SPIDR: variants seen among roughly 807,000 people sequenced by gnomAD.
SPIDR encodes DNA repair-scaffolding protein.
A neutral mutation model predicts 104.6 loss-of-function variants in SPIDR; 93 were observed. The ratio of observed to expected loss-of-function variants is 0.89; its 90% CI spans 0.75 to 1.06. The LOEUF is 1.06. Ranked by LOEUF, SPIDR falls within the 50% of genes least tolerant of loss-of-function variation. SPIDR has a pLI of 0.00. For missense variants in SPIDR, 1,154 were observed against 1,111.2 expected, an observed-to-expected ratio of 1.04 and a Z score of -0.55; for synonymous variants, 431 against 416.9, an observed-to-expected ratio of 1.03 and a Z score of -0.41.
intron 5 of SPIDR, among the ~76,000 whole-genome samples, chr8:47,299,061 C>T (rs1410841317): frequency 2.6e-5 from 4 of 151,008 alleles, no homozygotes; most frequent in Admixed American, 6.6e-5. Flanking sequence ...GCCATTTTCA[C>T]GATATTGACT....
At chr8:47,653,021 C>T (rs1265505971) in intron 10 of SPIDR, among the ~76,000 whole-genome samples, 1 of 152,202 alleles carries the variant, frequency 6.6e-6, no homozygotes, top group Non-Finnish European at 1.5e-5. Flanking sequence ...ACTACAGAGC[C>T]TGAAGACTAT....
chr8:47,302,323 G>A (rs1363170604), intron 5 of SPIDR, among the ~76,000 whole-genome samples: 1 of 149,362 alleles, frequency 6.7e-6, no homozygotes, highest in Admixed American at 6.6e-5. Context: ...TCTCTGCATT[G>A]GTTATTCTAG....
intron 8 of SPIDR, among the ~76,000 whole-genome samples, chr8:47,572,685 T>TAAAC (rs2058671941): frequency 6.7e-6 from 1 of 149,992 alleles, no homozygotes; most frequent in Non-Finnish European, 1.5e-5. Flanking sequence ...AATAAATAAA[T>TAAAC]AAATAAATAA....
chr8:47,293,070 T>C (rs2040216516), intron 4 of SPIDR, among the ~76,000 whole-genome samples: 1 of 152,080 alleles, frequency 6.6e-6, no homozygotes, highest in African/African-American at 2.4e-5. Context: ...GGGAAGCCGT[T>C]GCCATTATGC....
chr8:47,615,639 T>G (rs879567472), intron 10 of SPIDR, among the ~76,000 whole-genome samples: 1 of 151,964 alleles, frequency 6.6e-6, no homozygotes, highest in Admixed American at 6.6e-5. Context: ...AATGGACATC[T>G]CCACTAAACC....
intron 8 of SPIDR, among the ~76,000 whole-genome samples, chr8:47,580,389 G>A (rs190057439): frequency 2.6e-5 from 4 of 152,178 alleles, no homozygotes; most frequent in East Asian, 3.9e-4. Context: ...AGCTCTTCTC[G>A]GAACTCTGCA....
chr8:47,282,329 C>T (rs1226804411), intron 2 of SPIDR, among the ~76,000 whole-genome samples: 2 of 152,236 alleles, frequency 1.3e-5, no homozygotes, highest in African/African-American at 4.8e-5. Flanking sequence ...TGACTTCTCT[C>T]TAGCTACGAA....
At chr8:47,580,417 T>C (rs1332745087) in intron 8 of SPIDR, among the ~76,000 whole-genome samples, 1 of 152,176 alleles carries the variant, frequency 6.6e-6, no homozygotes, top group Admixed American at 6.5e-5. Context: ...ATTAATTTCA[T>C]TTTCACAAGA....
chr8:47,393,408 T>A (rs1481766056), intron 5 of SPIDR, among the ~76,000 whole-genome samples: 1 of 152,200 alleles, frequency 6.6e-6, no homozygotes, highest in African/African-American at 2.4e-5. Flanking sequence ...CCTCTCTGTA[T>A]CACCATTCAA....
intron 19 of SPIDR, among the ~76,000 whole-genome samples, chr8:47,730,878 T>C (rs751595381): frequency 4.6e-5 from 7 of 152,170 alleles, no homozygotes; most frequent in African/African-American, 7.2e-5. Flanking sequence ...AGAGTTGGAT[T>C]AAATTGGAAC....
chr8:47,703,250 T>G (rs1198682690), intron 14 of SPIDR, among the ~76,000 whole-genome samples: 1 of 152,266 alleles, frequency 6.6e-6, no homozygotes, highest in Non-Finnish European at 1.5e-5. Flanking sequence ...TATTTTCTGT[T>G]GTGCATTTAT....
At chr8:47,457,730 A>G (rs1160436040) in intron 8 of SPIDR, among the ~76,000 whole-genome samples, 1 of 152,136 alleles carries the variant, frequency 6.6e-6, no homozygotes, top group Non-Finnish European at 1.5e-5. Flanking sequence ...CAGGTCTTAG[A>G]TTGAAGTCCT....
At chr8:47,312,788 T>G (rs1294789644) in intron 5 of SPIDR, among the ~76,000 whole-genome samples, 1 of 152,218 alleles carries the variant, frequency 6.6e-6, no homozygotes, top group East Asian at 1.9e-4. Context: ...AGACATGAAG[T>G]CCTTCCCCAT....
intron 5 of SPIDR, among the ~76,000 whole-genome samples, chr8:47,299,663 G>A (rs1435778293): frequency 6.6e-6 from 1 of 152,006 alleles, no homozygotes; most frequent in Non-Finnish European, 1.5e-5. Flanking sequence ...AGCATGAAGG[G>A]TTGTTGAATT....
chr8:47,342,693 C>T (rs1180217100), intron 5 of SPIDR, among the ~76,000 whole-genome samples: 2 of 151,968 alleles, frequency 1.3e-5, no homozygotes, highest in Non-Finnish European at 2.9e-5. Context: ...ATTGTACACT[C>T]CTTTCTTATT....
At chr8:47,379,397 G>A (rs1159803839) in intron 5 of SPIDR, among the ~76,000 whole-genome samples, 1 of 152,020 alleles carries the variant, frequency 6.6e-6, no homozygotes, top group African/African-American at 2.4e-5. Flanking sequence ...ACAAAAATTA[G>A]CCAGGTGTGG....
intron 5 of SPIDR, among the ~76,000 whole-genome samples, chr8:47,343,994 G>C (rs184713274): frequency 1.1e-4 from 17 of 151,342 alleles, no homozygotes; most frequent in Non-Finnish European, 2.2e-4. Flanking sequence ...TATACGTCAA[G>C]TTCTAGGGTA....
chr8:47,491,998 A>C (rs1368542271), intron 8 of SPIDR, among the ~76,000 whole-genome samples: 1 of 152,200 alleles, frequency 6.6e-6, no homozygotes, highest in Non-Finnish European at 1.5e-5. Flanking sequence ...GAACGAGGTG[A>C]CGCTGTCTTA....
chr8:47,275,284 C>T (rs1487504852), intron 1 of SPIDR, among the ~76,000 whole-genome samples: 1 of 149,828 alleles, frequency 6.7e-6, no homozygotes, highest in East Asian at 1.9e-4. Flanking sequence ...AAGAAAATAT[C>T]CCCCATAAAT....
Sources: allele counts gnomAD v4.1 joint callset (sites outside exome capture counted in the v4.1 genomes callset), GRCh38; gene constraint gnomAD v4.1.1; transcripts MANE v1.5; gene names NCBI Gene and HGNC (gene_info 2026-07-23, HGNC 2026-07-21).